TULP2: variants seen among roughly 807,000 people sequenced by gnomAD.
TULP2 encodes TUB like protein 2.
In TULP2, 64 loss-of-function variants were observed where a neutral mutation model predicts 60.3. The ratio of observed to expected loss-of-function variants is 1.06; its 90% confidence interval spans 0.87 to 1.31. The LOEUF is 1.31. TULP2 is among the 50% of genes most tolerant of loss of function. The pLI is 0.00. For missense variants in TULP2, 652 were observed against 667.0 expected, an observed-to-expected ratio of 0.98 and a Z score of 0.25; for synonymous variants, 267 against 265.4, an observed-to-expected ratio of 1.01 and a Z score of -0.06.
chr19:48,897,413 C>A lies in TULP2; in HGVS notation c.33-17G>T. On this transcript the variant is annotated splice_polypyrimidine_tract_variant and intron_variant, in intron 2 of 12. Coordinates refer to ENST00000221399, the MANE Select transcript of TULP2 (RefSeq NM_003323.3). This position sits in a 1 kb window ranked among gnomAD's most constrained non-coding sequence, Gnocchi z 4.0. ...CCCAGGATGCTGAGAGAGACACAGG[C>A]CCATGGTGACAGTGCACAGGGAACC... The A allele has an allele frequency of 1.2e-6, 2 of 1,613,284 alleles. No individual in the cohort carries two copies. Among genetic ancestry groups the A allele is most frequent in the Non-Finnish European group, 1.7e-6 (2 of 1,179,626 alleles).
chr19:48,886,321 C>G (rs965565083), intron 8 of TULP2, among the ~76,000 whole-genome samples: 1 of 150,580 alleles, frequency 6.6e-6, no homozygotes, highest in Admixed American at 6.6e-5. Context: ...AAAAGACTTA[C>G]TGGGAAATGT....
In TULP2 at chr19:48,897,882, G is replaced by C. The variant is rs1290398714; in HGVS notation, c.-1-13C>G. The stretch of plus-strand genomic sequence containing the variant: ...ATCCTGAGACATTCTGCAGAAGCAA[G>C]AATGAGGAGTCAGGATCAGAACCAA... On this transcript the variant is annotated splice_polypyrimidine_tract_variant and intron_variant, in intron 1 of 12. Transcript: ENST00000221399. The surrounding 1 kb of genome is among the most constrained non-coding windows in gnomAD (Gnocchi z 4.0). 1 of 1,612,176 alleles carries C rather than the reference G, an allele frequency of 6.2e-7. No homozygotes were observed. Among genetic ancestry groups the C allele is most frequent in the South Asian group, 1.1e-5 (1 of 90,796 alleles).
chr19:48,888,257 T>C lies in TULP2; in HGVS notation c.641A>G (p.Glu214Gly), dbSNP rs762242537. ...VYENLAFQKE[E>G]DLEKKREASE... ...GGCCTCTCTCTTCTTTTCCAAGTCTTCTTCCTAGCCCAGGCACCAAATTTA... is the reference window on the plus strand; with the variant it reads ...GGCCTCTCTCTTCTTTTCCAAGTCTCCTTCCTAGCCCAGGCACCAAATTTA... Residue 214 changes from glutamate to glycine, a missense_variant, in exon 8 of 13, where the codon GAA becomes GGA. Coordinates refer to ENST00000221399, the MANE Select transcript of TULP2 (RefSeq NM_003323.3). The C allele has an allele frequency of 1.3e-6, 2 of 1,587,024 alleles. No individual in the cohort carries two copies. The highest frequency in any genetic ancestry group is 2.3e-5 in the South Asian group (2 of 88,752).
rs2037141877 is a variant in TULP2, at chr19:48,882,298, C to T, written c.1276-95G>A. The stretch of plus-strand genomic sequence containing the variant: ...CCATCTTGAACAGGGGCGACTCCAT[C>T]TTGAACAGGGGCTGGGTAAAATGAG... On this transcript the variant is annotated intron_variant, in intron 11 of 12. Transcript: ENST00000221399. The T allele has an allele frequency of 1.2e-5, 16 of 1,386,998 alleles. No homozygotes were observed. The South Asian group carries it at 1.9e-4, about 16-fold the overall frequency. The allele number at this position is 1,386,998 out of a possible 1,614,324, so 85.9% of individuals were successfully genotyped here. A position where few individuals can be genotyped will look rare whatever the true frequency, so the allele number is the denominator to read the frequency against.
At chr19:48,891,612 G>A (rs2037234001) in intron 6 of TULP2, among the ~76,000 whole-genome samples, 1 of 152,174 alleles carries the variant, frequency 6.6e-6, no homozygotes, top group African/African-American at 2.4e-5. Flanking sequence ...GCCTGAAGGG[G>A]GCCTGCCCCT....
Position 48,897,409 on chromosome 19 carries a change from C to G in TULP2, c.33-13G>C, listed in dbSNP as rs368027001. On this transcript the variant is annotated splice_polypyrimidine_tract_variant and intron_variant, in intron 2 of 12. Coordinates refer to ENST00000221399, the MANE Select transcript of TULP2 (RefSeq NM_003323.3). The surrounding 1 kb of genome is among the most constrained non-coding windows in gnomAD (Gnocchi z 4.0). ...ATGCCCCAGGATGCTGAGAGAGACA[C>G]AGGCCCATGGTGACAGTGCACAGGG... is the stretch of plus-strand genomic sequence containing the variant. 8 of 1,613,562 alleles carry G rather than the reference C, an allele frequency of 5.0e-6. No individual in the cohort carries two copies. The East Asian group carries it at 1.8e-4, about 36-fold the overall frequency.
intron 6 of TULP2, among the ~76,000 whole-genome samples, chr19:48,892,264 G>A (rs530295227): frequency 6.6e-6 from 1 of 152,334 alleles, no homozygotes; most frequent in East Asian, 1.9e-4. Flanking sequence ...ACAATGCCCA[G>A]GCTTCCTTGG....
chr19:48,881,948 G>T (rs573344595), intron 12 of TULP2, 84 bp downstream of exon 12: 34 of 1,579,758 alleles, frequency 2.2e-5, no homozygotes, highest in Non-Finnish European at 3.0e-5. Flanking sequence ...ACGCTCAAGT[G>T]ATGATGGGAG....
rs568989209 is a variant in TULP2 at position 48,892,648 on chromosome 19, C to T, written c.514+2350G>A. ...CCTCCCGAATAGCTGGGACTACAGG[C>T]GCCCACCACCGCAACCGGCTAATTT... On this transcript the variant is annotated intron_variant, in intron 6 of 12. Coordinates refer to ENST00000221399, the MANE Select transcript of TULP2 (RefSeq NM_003323.3). Among the ~76,000 whole-genome samples, 16 of 151,942 alleles carry T rather than the reference C, an allele frequency of 1.1e-4. No homozygotes were observed. The South Asian group carries it at 1.7e-3, about 16-fold the overall frequency.
intron 8 of TULP2, among the ~76,000 whole-genome samples, chr19:48,887,713 A>G (rs1315500936): frequency 2.6e-5 from 4 of 151,124 alleles, no homozygotes; most frequent in South Asian, 4.2e-4. Flanking sequence ...GCCTGCCACC[A>G]CTCCCGGCTA....
At chr19:48,883,075 C>T (rs548457058) in intron 11 of TULP2, among the ~76,000 whole-genome samples, 52 of 152,132 alleles carry the variant, frequency 3.4e-4, no homozygotes, top group East Asian at 1.2e-3. Context: ...AAAAATTAGA[C>T]GGGCATGGTA....
In TULP2 at chr19:48,885,540, T is replaced by G. The variant is rs2037172001; in HGVS notation, c.969A>C (p.Arg323=). 6.2e-7 allele frequency: 1 copy of G among 1,613,826 alleles called. No individual in the cohort carries two copies. Among genetic ancestry groups the G allele is most frequent in the African/African-American group, 1.3e-5 (1 of 74,896 alleles). The part of the protein sequence containing the change: ...DSLQRFLLAG[R]KRRRSKTSNY... ...TAGAAGTTTTGCTCCTTCTTCTCTT[T>G]CGCCCAGCCAGGAGGAAGCGCTATG... Residue 323 remains arginine (R), a synonymous_variant, in exon 9 of 13, where the codon CGA becomes CGC. Transcript: ENST00000221399.
At chr19:48,892,426 A>G (rs1245976525) in intron 6 of TULP2, among the ~76,000 whole-genome samples, 1 of 152,210 alleles carries the variant, frequency 6.6e-6, no homozygotes, top group Non-Finnish European at 1.5e-5. Context: ...ACTTGAGTCA[A>G]TATAACACAT....
At chr19:48,888,381 G>A in intron 7 of TULP2, 120 bp from the exon 8 acceptor site, 1 of 1,034,802 alleles carries the variant, frequency 9.7e-7, no homozygotes, top group Non-Finnish European at 1.4e-6. Flanking sequence ...CTGCTTATTG[G>A]TCAAAAATCT....
rs201003860 is a variant in TULP2 at position 48,887,541 on chromosome 19, C to CT, written c.948+408dup. On this transcript the variant is annotated intron_variant, in intron 8 of 12. Coordinates refer to ENST00000221399, the MANE Select transcript of TULP2 (RefSeq NM_003323.3). ...GTTTTGCCATGTTGTTCAGGCTGGT[C>CT]TTTTTTGTGTTTGTTGGTTGGTTTT... 4.4e-3 allele frequency among the ~76,000 whole-genome samples: 670 copies of CT among 151,042 alleles called. 6 individuals carry two copies. Among genetic ancestry groups the CT allele is most frequent in the African/African-American group, 0.015 (620 of 41,238 alleles).
At position 48,897,289 on chromosome 19, in the gene TULP2, C is replaced by T; in HGVS notation, c.84+56G>A. On this transcript the variant is annotated intron_variant, in intron 3 of 12. Coordinates refer to ENST00000221399, the MANE Select transcript of TULP2 (RefSeq NM_003323.3). This position sits in a 1 kb window ranked among gnomAD's most constrained non-coding sequence, Gnocchi z 4.0. ...AGAGCAAGACCTGGTGGAGAGGCCC[C>T]TGGGGAGGCACAGAAGGCGGAAGAG... 15 of 1,595,162 alleles carry T rather than the reference C, an allele frequency of 9.4e-6. No homozygotes were observed. The highest frequency in any genetic ancestry group is 1.3e-5 in the Non-Finnish European group (15 of 1,166,512).
chr19:48,882,177 G>C lies in TULP2; in HGVS notation c.1302C>G (p.Tyr434Ter), dbSNP rs1182352135. The C allele has an allele frequency of 4.3e-6, 7 of 1,613,788 alleles. No homozygotes were observed. Among genetic ancestry groups the C allele is most frequent in the African/African-American group, 2.7e-5 (2 of 75,010 alleles). The change falls in exon 12 of 13, where the codon TAC (tyrosine) becomes TAG (stop). Residue 434 changes from tyrosine to a stop codon, truncating the protein, a stop_gained. Transcript: ENST00000221399. LOFTEE classifies it high-confidence loss of function. ...GCAACCCTTGTTTGTCCCCACGTTG[G>C]TAACGACTCAGTAGCGACTCCTGTT... Reference protein sequence around the residue: ...LNEQESLLSRYQRGDKQGLLL... With the variant: ...LNEQESLLSR
At chr19:48,895,259 G>T in intron 5 of TULP2, 97 bp from the exon 6 acceptor site, 2 of 1,574,290 alleles carry the variant, frequency 1.3e-6, no homozygotes, top group Non-Finnish European at 8.6e-7. Context: ...AGTGGGTGCG[G>T]TCCTGAGCTC....
intron 8 of TULP2, among the ~76,000 whole-genome samples, chr19:48,886,683 T>C (rs2037182250): frequency 6.6e-6 from 1 of 152,012 alleles, no homozygotes; most frequent in Admixed American, 6.6e-5. Flanking sequence ...AGGGACCTGG[T>C]TGCTGGGGGC....
Sources: gnomAD v4.1 joint callset for allele counts (sites outside exome capture counted in the v4.1 genomes callset) on GRCh38, gnomAD v4.1.1 for gene constraint, Gnocchi (gnomAD v3.1) non-coding constraint, MANE v1.5 for transcripts, NCBI Gene and HGNC (gene_info 2026-07-23, HGNC 2026-07-21) for gene names.